Variants in SHISA9 observed in about 807,000 individuals in gnomAD.
SHISA9 encodes protein shisa-9.
In SHISA9, 13 loss-of-function variants were observed where a neutral mutation model predicts 38.0. The observed-to-expected ratio is 0.34, with a 90% CI of 0.22 to 0.54. SHISA9 has a LOEUF of 0.54. SHISA9 is among the 20% of genes least tolerant of loss of function. SHISA9 has a pLI of 0.91. For synonymous variants in SHISA9, 275 were observed against 242.0 expected (o/e 1.14, Z -1.27); for missense variants, 538 against 575.8 (o/e 0.93, Z 0.67).
chr16:13,097,032 C>G (rs2073834831), intron 2 of SHISA9, among the ~76,000 whole-genome samples: 1 of 152,174 alleles, frequency 6.6e-6, no homozygotes, highest in African/African-American at 2.4e-5. Flanking sequence ...CTCTCCCCAA[C>G]TAGAAGTGCA....
the SHISA9 span, among the ~76,000 whole-genome samples, chr16:13,355,367 G>A: frequency 1.3e-5 from 2 of 151,850 alleles, no homozygotes; most frequent in Non-Finnish European, 2.9e-5. Context: ...AGGGGTGCAT[G>A]ATTGGTCACC....
intron 2 of SHISA9, among the ~76,000 whole-genome samples, chr16:12,918,230 C>A (rs775930246): frequency 2.6e-5 from 4 of 152,158 alleles, no homozygotes; most frequent in African/African-American, 4.8e-5. Flanking sequence ...TCTGACACGG[C>A]AGTTGCTGTG....
intron 4 of SHISA9, 134 bp downstream of exon 4, chr16:13,213,434 C>A: frequency 1.3e-6 from 1 of 741,824 alleles, no homozygotes; most frequent in Admixed American, 2.4e-5. Context: ...ATCTGCAAGT[C>A]CGTCTAAGTT....
At chr16:13,141,553 A>C (rs1363578729) in intron 2 of SHISA9, among the ~76,000 whole-genome samples, 2 of 151,992 alleles carry the variant, frequency 1.3e-5, no homozygotes, top group Non-Finnish European at 2.9e-5. Flanking sequence ...GTGTGGTGGT[A>C]CGTGCCTGTA....
the SHISA9 span, among the ~76,000 whole-genome samples, chr16:13,386,691 G>A: frequency 1.3e-5 from 2 of 152,122 alleles, no homozygotes; most frequent in African/African-American, 4.8e-5. Context: ...ACGATGTTAT[G>A]CTTCTATATC....
chr16:13,549,298 A>G, the SHISA9 span, among the ~76,000 whole-genome samples: 5 of 152,236 alleles, frequency 3.3e-5, no homozygotes, highest in African/African-American at 1.2e-4. Context: ...GCTATTGCAC[A>G]GTAGGATGAC....
the SHISA9 span, among the ~76,000 whole-genome samples, chr16:13,524,831 T>C: frequency 1.3e-5 from 2 of 152,010 alleles, no homozygotes; most frequent in Admixed American, 1.3e-4. Context: ...CCTCCCAAAG[T>C]GGGCAGGATA....
At chr16:13,329,762 A>G in the SHISA9 span, among the ~76,000 whole-genome samples, 3 of 152,220 alleles carry the variant, frequency 2.0e-5, no homozygotes, top group Non-Finnish European at 4.4e-5. Context: ...GCCAACCTGC[A>G]GACCTTGAGC....
the SHISA9 span, among the ~76,000 whole-genome samples, chr16:13,309,123 T>A: frequency 1.3e-5 from 2 of 152,136 alleles, no homozygotes; most frequent in African/African-American, 4.8e-5. Flanking sequence ...GTCAATGTGG[T>A]CTTCTTGCAC....
chr16:13,360,521 GTTC>G, the SHISA9 span, among the ~76,000 whole-genome samples: 1 of 152,100 alleles, frequency 6.6e-6, no homozygotes, highest in Non-Finnish European at 1.5e-5. Context: ...CTTGGCTCTC[GTTC>G]TTCTTCCTGC....
At chr16:13,350,063 G>C in the SHISA9 span, 2,977 of 152,454 alleles carry the variant, frequency 0.02, 41 homozygotes, top group Middle Eastern at 0.037. Flanking sequence ...GCATTTGAAT[G>C]AGTGGACTGA....
At chr16:13,411,898 G>A in the SHISA9 span, among the ~76,000 whole-genome samples, 1 of 152,164 alleles carries the variant, frequency 6.6e-6, no homozygotes, top group African/African-American at 2.4e-5. Context: ...TGCTGAAGTA[G>A]GTCCATCACA....
chr16:13,473,935 A>T, the SHISA9 span, among the ~76,000 whole-genome samples: 1 of 152,182 alleles, frequency 6.6e-6, no homozygotes, highest in Non-Finnish European at 1.5e-5. Context: ...CATATTGTGT[A>T]ATACCAGATA....
chr16:13,140,375 C>G (rs1197946695), intron 2 of SHISA9, among the ~76,000 whole-genome samples: 1 of 151,962 alleles, frequency 6.6e-6, no homozygotes, highest in Non-Finnish European at 1.5e-5. Flanking sequence ...CAGGGTTTCA[C>G]TGTGTTGGCC....
At chr16:13,425,880 A>G in the SHISA9 span, among the ~76,000 whole-genome samples, 5 of 152,122 alleles carry the variant, frequency 3.3e-5, no homozygotes, top group Admixed American at 3.3e-4. Context: ...AGTAACTCTG[A>G]TACTGTAGTT....
intron 4 of SHISA9, among the ~76,000 whole-genome samples, chr16:13,229,555 G>A (rs1446954827): frequency 6.6e-6 from 1 of 152,168 alleles, no homozygotes; most frequent in South Asian, 2.1e-4. Flanking sequence ...GAAAATATAT[G>A]TCTGGGCCAC....
At chr16:12,955,044 G>C (rs1443478883) in intron 2 of SHISA9, among the ~76,000 whole-genome samples, 2 of 150,654 alleles carry the variant, frequency 1.3e-5, no homozygotes, top group African/African-American at 4.8e-5. Context: ...CTGAAGCCAG[G>C]AGGTGTGCAT....
At chr16:13,422,055 C>T in the SHISA9 span, among the ~76,000 whole-genome samples, 8 of 152,158 alleles carry the variant, frequency 5.3e-5, no homozygotes, top group African/African-American at 1.9e-4. Flanking sequence ...CCAATCACTA[C>T]ACAAGTGGAG....
the SHISA9 span, among the ~76,000 whole-genome samples, chr16:13,294,977 C>A: frequency 6.6e-6 from 1 of 152,094 alleles, no homozygotes; most frequent in African/African-American, 2.4e-5. Flanking sequence ...TTAACCCTTA[C>A]AATATGCTTT....
Sources: allele counts gnomAD v4.1 joint callset (sites outside exome capture counted in the v4.1 genomes callset), GRCh38; gene constraint gnomAD v4.1.1; transcripts MANE v1.5; gene names NCBI Gene and HGNC (gene_info 2026-07-23, HGNC 2026-07-21).